Variants in SPAG16 observed in about 807,000 individuals in gnomAD.
SPAG16 encodes the protein sperm-associated antigen 16 protein.
A neutral mutation model predicts 80.4 loss-of-function variants in SPAG16; 86 were observed. The ratio of observed to expected loss-of-function variants is 1.07; its 90% CI spans 0.90 to 1.28. The LOEUF (loss-of-function observed/expected upper bound fraction) is 1.28. Ranked by LOEUF, SPAG16 falls within the 50% of genes most tolerant of loss-of-function variation. The pLI is 0.00. For missense variants in SPAG16, 870 were observed against 765.3 expected (o/e 1.14, Z -1.61); for synonymous variants, 294 against 265.9 (o/e 1.11, Z -1.03).
At chr2:213,895,536 C>A (rs1427433517) in intron 11 of SPAG16, among the ~76,000 whole-genome samples, 1 of 152,040 alleles carries the variant, frequency 6.6e-6, no homozygotes, top group African/African-American at 2.4e-5. Flanking sequence ...ACATAGTAAC[C>A]AAATTATTGT....
chr2:213,871,580 T>C (rs950341663), intron 11 of SPAG16, among the ~76,000 whole-genome samples: 3 of 151,914 alleles, frequency 2.0e-5, no homozygotes, highest in African/African-American at 7.3e-5. Context: ...AAGGGTCTAA[T>C]CTCTTGCATC....
At chr2:213,589,407 A>G (rs1245071382) in intron 10 of SPAG16, among the ~76,000 whole-genome samples, 1 of 152,260 alleles carries the variant, frequency 6.6e-6, no homozygotes, top group African/African-American at 2.4e-5. Context: ...CAAATCAATT[A>G]GAATATTTCA....
intron 15 of SPAG16, among the ~76,000 whole-genome samples, chr2:214,180,103 C>T (rs572210249): frequency 6.6e-6 from 1 of 151,602 alleles, no homozygotes; most frequent in Non-Finnish European, 1.5e-5. Context: ...TACTGTTTTA[C>T]TAAATATGAC....
Position 214,012,278 on chromosome 2 carries a change from A to G in SPAG16, c.1401-1673A>G, listed in dbSNP as rs542950330. On this transcript the variant is annotated intron_variant, in intron 12 of 15. Transcript: ENST00000331683. ...TACTTACATATATATATATATATAT[A>G]TATATATATATTTTTTTTTTTTTTT... is the stretch of plus-strand genomic sequence containing the variant. Among the ~76,000 whole-genome samples the G allele has an allele frequency of 9.0e-3, 407 of 45,044 alleles. 7 individuals are homozygous for G. The highest frequency in any genetic ancestry group is 0.033 in the South Asian group (24 of 722). 29.6% of individuals were successfully genotyped at this position (45,044 alleles called of 152,430 possible). A position where few individuals can be genotyped will look rare whatever the true frequency, so the allele number is the denominator to read the frequency against.
At chr2:213,556,898 T>C (rs2059443695) in intron 10 of SPAG16, among the ~76,000 whole-genome samples, 3 of 152,162 alleles carry the variant, frequency 2.0e-5, no homozygotes, top group Admixed American at 2.0e-4. Flanking sequence ...AAGTATCTTT[T>C]TTTTGAAGAT....
chr2:213,688,106 G>A (rs1378829180), intron 10 of SPAG16, among the ~76,000 whole-genome samples: 1 of 152,144 alleles, frequency 6.6e-6, no homozygotes, highest in African/African-American at 2.4e-5. Context: ...TGAACTTGGG[G>A]GGAGGATTTC....
chr2:214,330,290 A>G (rs186773376), intron 15 of SPAG16, among the ~76,000 whole-genome samples: 3,369 of 151,492 alleles, frequency 0.022, 131 homozygotes, highest in African/African-American at 0.077. Context: ...AAAAAAAAAA[A>G]GGAAAAGAAA....
chr2:213,938,104 AAT>A (rs140123144), intron 12 of SPAG16, among the ~76,000 whole-genome samples: 105 of 150,112 alleles, frequency 7.0e-4, no homozygotes, highest in South Asian at 3.3e-3. Flanking sequence ...GATAAAAGCG[AAT>A]ATATATATAT....
intron 3 of SPAG16, among the ~76,000 whole-genome samples, chr2:213,298,213 A>G (rs1005329430): frequency 6.6e-6 from 1 of 152,154 alleles, no homozygotes. Flanking sequence ...AATTAATTGC[A>G]TTCTGTTGTA....
chr2:213,927,723 C>A (rs996430703), intron 11 of SPAG16, among the ~76,000 whole-genome samples: 2 of 151,960 alleles, frequency 1.3e-5, no homozygotes, highest in African/African-American at 4.8e-5. Context: ...TTTTGCCTGG[C>A]ACATGGTTTA....
chr2:213,471,629 C>T (rs764556538), intron 9 of SPAG16, among the ~76,000 whole-genome samples: 23 of 152,284 alleles, frequency 1.5e-4, no homozygotes, highest in South Asian at 1.2e-3. Flanking sequence ...CCCTATCTGC[C>T]GCTGTCACCT....
intron 11 of SPAG16, among the ~76,000 whole-genome samples, chr2:213,908,732 A>G (rs1559575576): frequency 6.8e-6 from 1 of 147,946 alleles, no homozygotes; most frequent in Non-Finnish European, 1.5e-5. Flanking sequence ...ACTTCAGGAA[A>G]CCAACCAAGA....
chr2:213,322,283 T>A (rs1045335946), intron 5 of SPAG16, among the ~76,000 whole-genome samples: 1 of 149,918 alleles, frequency 6.7e-6, no homozygotes. Context: ...CTTGATCTTC[T>A]TGCCTGTTTT....
intron 15 of SPAG16, among the ~76,000 whole-genome samples, chr2:214,173,870 A>G (rs1559104459): frequency 1.3e-5 from 2 of 152,038 alleles, no homozygotes; most frequent in Admixed American, 6.6e-5. Flanking sequence ...CAAAAAGCTT[A>G]TCCACCATGA....
chr2:213,629,223 C>T (rs1305427526), intron 10 of SPAG16, among the ~76,000 whole-genome samples: 2 of 152,170 alleles, frequency 1.3e-5, no homozygotes, highest in East Asian at 3.9e-4. Context: ...GTCCCTTCAA[C>T]AGCCTCATCA....
chr2:213,526,076 A>T (rs1476641401), intron 10 of SPAG16, among the ~76,000 whole-genome samples: 1 of 152,170 alleles, frequency 6.6e-6, no homozygotes, highest in African/African-American at 2.4e-5. Context: ...TTTCTGGTTT[A>T]AAGTTTGTAT....
At chr2:214,058,688 A>C (rs1440954541) in intron 13 of SPAG16, among the ~76,000 whole-genome samples, 1 of 152,172 alleles carries the variant, frequency 6.6e-6, no homozygotes, top group Non-Finnish European at 1.5e-5. Flanking sequence ...AATAAAGCAA[A>C]GTACAATAAA....
At chr2:213,732,479 T>C (rs535365005) in intron 10 of SPAG16, among the ~76,000 whole-genome samples, 50 of 152,344 alleles carry the variant, frequency 3.3e-4, no homozygotes, top group African/African-American at 1.2e-3. Context: ...AGCCCTATAG[T>C]ATAGTTTGAG....
At chr2:213,358,720 A>G (rs1032898146) in intron 7 of SPAG16, among the ~76,000 whole-genome samples, 2 of 152,188 alleles carry the variant, frequency 1.3e-5, no homozygotes, top group Non-Finnish European at 2.9e-5. Flanking sequence ...TTTAGCTTGG[A>G]GAAGTTTGTT....
Sources: allele counts gnomAD v4.1 joint callset (sites outside exome capture counted in the v4.1 genomes callset), GRCh38; gene constraint gnomAD v4.1.1; transcripts MANE v1.5; gene names NCBI Gene and HGNC (gene_info 2026-07-23, HGNC 2026-07-21).